KMT2D: variants seen among roughly 807,000 people sequenced by gnomAD.
KMT2D encodes histone-lysine N-methyltransferase 2D.
Under a neutral mutation model 512.7 loss-of-function variants are expected in KMT2D, and 55 were observed. The observed-to-expected ratio is 0.11, with a 90% confidence interval of 0.09 to 0.13. The LOEUF (loss-of-function observed/expected upper bound fraction) is 0.13, where lower values mean the gene tolerates loss of function less well. Among genes scored for constraint, KMT2D ranks in the 10% least tolerant of loss-of-function variants. The pLI is 1.00. For missense variants in KMT2D, 6,061 were observed against 7,127.9 expected (o/e 0.85, Z 5.39); for synonymous variants, 2,995 against 2,904.0 (o/e 1.03, Z -1.01).
In KMT2D at chr12:49,028,143, TGCCAGG is replaced by T. The variant is rs2120379740; in HGVS notation, c.14383-8_14383-3del. ...TGCCACCATCACGCCATTCAGGTTC[TGCCAGG>T]GCCAGGGAAGGGATGGAAGAAACAT... On this transcript the variant is annotated splice_polypyrimidine_tract_variant and splice_region_variant and intron_variant, in intron 46 of 54. Transcript: ENST00000301067. 1 of 1,613,974 alleles carries T rather than the reference TGCCAGG, an allele frequency of 6.2e-7. No homozygotes were observed. The highest frequency in any genetic ancestry group is 1.3e-5 in the African/African-American group (1 of 75,074).
rs2137714573 is a variant in KMT2D, at chr12:49,026,174, C to G, written c.15784+8G>C. 2 of 1,558,052 alleles carry G rather than the reference C, an allele frequency of 1.3e-6. No homozygotes were observed. The highest frequency in any genetic ancestry group is 1.7e-6 in the Non-Finnish European group (2 of 1,149,234). Reference sequence around the variant, plus strand: ...CCATATTATCCATTTCAAGGGCCCACTGCTCACCCTGGGGAGAGGCGTCAG... The same window carrying G: ...CCATATTATCCATTTCAAGGGCCCAGTGCTCACCCTGGGGAGAGGCGTCAG... On this transcript the variant is annotated splice_region_variant and intron_variant, in intron 49 of 54. Coordinates refer to ENST00000301067, the MANE Select transcript of KMT2D (RefSeq NM_003482.4). The surrounding 1 kb of genome is among the most constrained non-coding windows in gnomAD (Gnocchi z 9.6).
intron 13 of KMT2D, 40 bp downstream of exon 13, chr12:49,049,065 C>T (rs2120629233): frequency 7.7e-7 from 1 of 1,303,972 alleles, no homozygotes; most frequent in Non-Finnish European, 1.1e-6. Flanking sequence ...GGTGCTAAAG[C>T]ATGGTTGGGG....
In KMT2D at chr12:49,041,074, G is replaced by A. The variant is rs757461868; in HGVS notation, c.6696C>T (p.Gly2232=). 1.8e-5 allele frequency: 27 copies of A among 1,537,018 alleles called. 1 individual carries two copies. Among genetic ancestry groups the A allele is most frequent in the South Asian group, 9.0e-5 (7 of 77,588 alleles). The change falls in exon 32 of 55, where the codon GGC becomes GGT. Residue 2232 remains glycine (G), a synonymous_variant. Transcript: ENST00000301067. This position sits in a 1 kb window ranked among gnomAD's most constrained non-coding sequence, Gnocchi z 5.4. ...QPGEFHTTPP[G]TPRHQPSTPD... ...GTGTGGAGGGCTGGTGTCTGGGGGT[G>A]CCAGGTGGGGTAGTGTGGAATTCCC...
chr12:49,050,860 A>G (rs2120658529), intron 11 of KMT2D, 26 bp downstream of exon 11: 1 of 1,548,074 alleles, frequency 6.5e-7, no homozygotes, highest in African/African-American at 1.4e-5. Flanking sequence ...CTGTTCCAGA[A>G]TAACAGAGTA....
In KMT2D at chr12:49,050,714, C is replaced by T. The variant is rs1015684753; in HGVS notation, c.2874G>A (p.Glu958=). ...PPALSPLGEL[E]YPFGAKGDSD... ...TGTCCCCTTTGGCACCAAAGGGGTA[C>T]TCTAACTCCCCCAAAGGAGACAGGG... is the stretch of plus-strand genomic sequence containing the variant. Residue 958 remains glutamate (E), a synonymous_variant, in exon 12 of 55, where the codon GAG becomes GAA. Transcript: ENST00000301067. 2.5e-6 allele frequency: 4 copies of T among 1,613,288 alleles called. No individual in the cohort carries two copies. In the Admixed American group the frequency reaches 5.0e-5, roughly 20 times the overall value.
At position 49,039,134 on chromosome 12, in the gene KMT2D, T is replaced by A; in HGVS notation, c.8366+88A>T. 1 of 1,562,226 alleles carries A rather than the reference T, an allele frequency of 6.4e-7. No homozygotes were observed. The highest frequency in any genetic ancestry group is 8.8e-7 in the Non-Finnish European group (1 of 1,139,426). ...AGAGAAAGTGATACTGGAAAAGGAT[T>A]AGTGATACAGGAAAATCACAAGAGC... On this transcript the variant is annotated intron_variant, in intron 34 of 54. Transcript: ENST00000301067. This position sits in a 1 kb window ranked among gnomAD's most constrained non-coding sequence, Gnocchi z 5.0.
intron 43 of KMT2D, among the ~76,000 whole-genome samples, chr12:49,029,681 T>G (rs866714379): frequency 8.3e-4 from 125 of 151,170 alleles, no homozygotes; most frequent in African/African-American, 2.6e-3. Context: ...TTTTTTGTTT[T>G]TTTTTTTTTT....
At chr12:49,055,915 G>A (rs1245094036) in intron 1 of KMT2D, among the ~76,000 whole-genome samples, 3 of 152,110 alleles carry the variant, frequency 2.0e-5, no homozygotes, top group Non-Finnish European at 4.4e-5. Context: ...CTCCCCCACC[G>A]CCACTTGTTT....
At position 49,027,670 on chromosome 12, in the gene KMT2D, G is replaced by A. The variant is rs564283315; in HGVS notation, c.14643+133C>T. The A allele has an allele frequency of 7.5e-5, 86 of 1,142,478 alleles. 1 individual carries two copies. In the South Asian group the frequency reaches 1.2e-3, roughly 17 times the overall value. The allele number at this position is 1,142,478 out of a possible 1,614,324, so 70.8% of individuals were successfully genotyped here. A position where few individuals can be genotyped will look rare whatever the true frequency, so the allele number is the denominator to read the frequency against. Reference sequence around the variant, plus strand: ...GGGTTTCGCCATGTTGGCCAGGCTGGTCTCAAACTCCTGGCCTAAAGTGAT... The same window carrying A: ...GGGTTTCGCCATGTTGGCCAGGCTGATCTCAAACTCCTGGCCTAAAGTGAT... On this transcript the variant is annotated intron_variant, in intron 48 of 54. Coordinates refer to ENST00000301067, the MANE Select transcript of KMT2D (RefSeq NM_003482.4).
Position 49,046,124 on chromosome 12 carries a change from T to C in KMT2D, c.4634A>G (p.Gln1545Arg), listed in dbSNP as rs1943773924. ...ACAGTCAAAGCCTTCATCGGCTGCCTGCTCCACATCGTCCTCTGTGAAGAG... is the reference window on the plus strand; with the variant it reads ...ACAGTCAAAGCCTTCATCGGCTGCCCGCTCCACATCGTCCTCTGTGAAGAG... ...ESLFTEDDVE[Q>R]AADEGFDCVS... is the part of the protein sequence containing the mutation. Residue 1545 changes from glutamine to arginine, a missense_variant, in exon 18 of 55, where the codon CAG (glutamine) becomes CGG (arginine). By Grantham distance (43) the Gln-to-Arg change is conservative (BLOSUM62 1). Coordinates refer to ENST00000301067, the MANE Select transcript of KMT2D (RefSeq NM_003482.4). This position sits in a 1 kb window ranked among gnomAD's most constrained non-coding sequence, Gnocchi z 4.2. 2 of 1,611,054 alleles carry C rather than the reference T, an allele frequency of 1.2e-6. No individual in the cohort carries two copies. Among genetic ancestry groups the C allele is most frequent in the Non-Finnish European group, 1.7e-6 (2 of 1,178,584 alleles).
At chr12:49,049,610 T>C (rs1215105047) in intron 12 of KMT2D, 72 bp downstream of exon 12, 2 of 1,449,170 alleles carry the variant, frequency 1.4e-6, no homozygotes, top group East Asian at 4.7e-5. Context: ...TGGGAAAGTA[T>C]CAGTGACACA....
At position 49,041,371 on chromosome 12, in the gene KMT2D, G is replaced by A. The variant is rs771111125; in HGVS notation, c.6399C>T (p.Ala2133=). ...TIFIGSPTTP[A]GLSTSADGFL... Reference sequence around the variant, plus strand: ...ACCCGTCCGCAGAGGTAGACAAGCCGGCGGGGGTAGTGGGGCTGCCAATGA... The same window carrying A: ...ACCCGTCCGCAGAGGTAGACAAGCCAGCGGGGGTAGTGGGGCTGCCAATGA... Residue 2133 remains alanine (A), a synonymous_variant, in exon 32 of 55, where the codon GCC becomes GCT. Coordinates refer to ENST00000301067, the MANE Select transcript of KMT2D (RefSeq NM_003482.4). The surrounding 1 kb of genome is among the most constrained non-coding windows in gnomAD (Gnocchi z 5.4). The A allele has an allele frequency of 7.0e-5, 111 of 1,591,806 alleles. 1 individual carries two copies. Among genetic ancestry groups the A allele is most frequent in the South Asian group, 1.7e-4 (15 of 87,686 alleles).
At chr12:49,023,950 A>C (rs1426823194) in intron 51 of KMT2D, 1 of 406,314 alleles carries the variant, frequency 2.5e-6, no homozygotes, top group Non-Finnish European at 4.8e-6. Flanking sequence ...TGAAGAAGTA[A>C]GGGTCTGGTC....
chr12:49,020,759 G>C lies in KMT2D; in HGVS notation c.*1021C>G. The C allele has an allele frequency of 4.8e-6, 1 of 208,266 alleles. No homozygotes were observed. Among genetic ancestry groups the C allele is most frequent in the Admixed American group, 5.9e-5 (1 of 16,912 alleles). The allele number at this position is 208,266 out of a possible 1,614,324, so 12.9% of individuals were successfully genotyped here. On this transcript the variant is annotated 3_prime_UTR_variant, in exon 55 of 55. Transcript: ENST00000301067. ...CTACCCCCCACCCAACCCGTCCAGG[G>C]GCTGGAGGGCAAACAGGCTCATGAT...
Position 49,050,987 on chromosome 12 carries a change from G to A in KMT2D, c.2696C>T (p.Ala899Val), listed in dbSNP as rs2120661257. Residue 899 changes from alanine to valine, a missense_variant, in exon 11 of 55, where the codon GCC (alanine) becomes GTC (valine). Around this residue, in one of 16 missense-constraint regions of KMT2D, gnomAD observed 848 missense variants for 838.5 expected, o/e 1.01. Transcript: ENST00000301067. ...AGGTGGTTCCCCAGGCTCAGACAGG[G>A]CTGGCTCTCCAAGCAAGGGAGATAA... ...PSLSPLLGEP[A>V]LSEPGEPPLS... is the part of the protein sequence containing the mutation. 6 of 1,569,476 alleles carry A rather than the reference G, an allele frequency of 3.8e-6. No individual in the cohort carries two copies. The highest frequency in any genetic ancestry group is 5.2e-6 in the Non-Finnish European group (6 of 1,158,888).
rs752703495 is a variant in KMT2D, at chr12:49,042,887, G to T, written c.5645-9C>A. 1 of 1,613,550 alleles carries T rather than the reference G, an allele frequency of 6.2e-7. No homozygotes were observed. Among genetic ancestry groups the T allele is most frequent in the African/African-American group, 1.3e-5 (1 of 74,884 alleles). On this transcript the variant is annotated splice_polypyrimidine_tract_variant and intron_variant, in intron 26 of 54. Coordinates refer to ENST00000301067, the MANE Select transcript of KMT2D (RefSeq NM_003482.4). This position sits in a 1 kb window ranked among gnomAD's most constrained non-coding sequence, Gnocchi z 4.4. The stretch of plus-strand genomic sequence containing the variant: ...TTCCATCTTGGGCAGTTCTGTGGGG[G>T]AATGAAGGACACTGTTGAGGAAGAC...
At position 49,042,260 on chromosome 12, in the gene KMT2D, T is replaced by C; in HGVS notation, c.5938A>G (p.Thr1980Ala). 1 of 1,580,000 alleles carries C rather than the reference T, an allele frequency of 6.3e-7. No individual in the cohort carries two copies. The highest frequency in any genetic ancestry group is 8.6e-7 in the Non-Finnish European group (1 of 1,163,320). ...DSPWTGSGGT[T>A]PSTPTTPTTE... ...GTGGGGGTTGTGGGGGTGGAGGGCG[T>C]GGTGCCACCTGAGCCCGTCCAGGGG... is the stretch of plus-strand genomic sequence containing the variant. The change falls in exon 29 of 55, where the codon ACG (threonine) becomes GCG (alanine). Residue 1980 changes from threonine to alanine, a missense_variant. Physicochemically the swap from Thr to Ala is moderately conservative, Grantham distance 58. Around this residue, in one of 16 missense-constraint regions of KMT2D, gnomAD observed 640 missense variants for 814.3 expected, o/e 0.79. Coordinates refer to ENST00000301067, the MANE Select transcript of KMT2D (RefSeq NM_003482.4). The surrounding 1 kb of genome is among the most constrained non-coding windows in gnomAD (Gnocchi z 4.4).
At position 49,051,179 on chromosome 12, in the gene KMT2D, G is replaced by C. The variant is rs2120664800; in HGVS notation, c.2504C>G (p.Pro835Arg). ...SPQPEESHLS[P>R]QSEEPCLSPR... ...GGACAGGCATGGCTCCTCAGACTGGGGGGACAGGTGTGATTCCTCAGGTTG... is the reference window on the plus strand; with the variant it reads ...GGACAGGCATGGCTCCTCAGACTGGCGGGACAGGTGTGATTCCTCAGGTTG... Residue 835 changes from proline to arginine, a missense_variant, in exon 11 of 55, where the codon CCC (proline) becomes CGC (arginine). By Grantham distance (103) the Pro-to-Arg change is moderately radical. Coordinates refer to ENST00000301067, the MANE Select transcript of KMT2D (RefSeq NM_003482.4). 1 of 1,514,822 alleles carries C rather than the reference G, an allele frequency of 6.6e-7. No homozygotes were observed. The highest frequency in any genetic ancestry group is 2.2e-5 in the Admixed American group (1 of 45,802). The allele number at this position is 1,514,822 out of a possible 1,614,324, so 93.8% of individuals were successfully genotyped here.
rs1943785941 is a variant in KMT2D, at chr12:49,046,390, G to A, written c.4453C>T (p.Pro1485Ser). Residue 1485 changes from proline to serine, a missense_variant, in exon 17 of 55, where the codon CCT (proline) becomes TCT (serine). Physicochemically the swap from Pro to Ser is moderately conservative, Grantham distance 74. This residue lies in a region of KMT2D where 640 missense variants were observed against 814.3 expected (regional missense o/e 0.79). Transcript: ENST00000301067. The surrounding 1 kb of genome is among the most constrained non-coding windows in gnomAD (Gnocchi z 4.2). ...TTCTGCCATTCACAGTGGAAGCCAGGGGAAGCAGCCCCACACTGCATACAG... is the reference window on the plus strand; with the variant it reads ...TTCTGCCATTCACAGTGGAAGCCAGAGGAAGCAGCCCCACACTGCATACAG... ...VSCMQCGAASPGFHCEWQNSY... is the reference protein window; with the variant it reads ...VSCMQCGAASSGFHCEWQNSY... The A allele has an allele frequency of 1.9e-6, 3 of 1,613,962 alleles. No homozygotes were observed. Among genetic ancestry groups the A allele is most frequent in the East Asian group, 4.5e-5 (2 of 44,886 alleles).
Sources: allele counts gnomAD v4.1 joint callset (sites outside exome capture counted in the v4.1 genomes callset), GRCh38; gene constraint gnomAD v4.1.1; regional missense constraint gnomAD v4.1.1; non-coding constraint Gnocchi (gnomAD v3.1); transcripts MANE v1.5; gene names NCBI Gene and HGNC (gene_info 2026-07-23, HGNC 2026-07-21).